SYTL2: variants seen among roughly 807,000 people sequenced by gnomAD.
SYTL2 encodes synaptotagmin-like protein 2.
SYTL2 carries 165 observed loss-of-function variants against 198.7 expected under a neutral mutation model. The ratio of observed to expected loss-of-function variants is 0.83; its 90% CI spans 0.73 to 0.94. SYTL2 has a LOEUF of 0.94. SYTL2 is among the 40% of genes least tolerant of loss of function. The probability of loss-of-function intolerance (pLI) is 0.00; values close to 1 mark genes in which losing one functional copy is unlikely to be tolerated. For synonymous variants in SYTL2, 966 were observed against 917.7 expected (o/e 1.05, Z -0.95); for missense variants, 2,835 against 2,582.8 (o/e 1.10, Z -2.12).
chr11:85,718,596 C>T (rs1359142084), intron 10 of SYTL2, 194 bp downstream of exon 10: 1 of 592,244 alleles, frequency 1.7e-6, no homozygotes, highest in Middle Eastern at 2.7e-4. Flanking sequence ...ACAGTATCAC[C>T]AGAAGAAGCC....
chr11:85,818,343 T>C, the SYTL2 span, among the ~76,000 whole-genome samples: 1 of 152,228 alleles, frequency 6.6e-6, no homozygotes, highest in Non-Finnish European at 1.5e-5. Context: ...AAATACTTAT[T>C]GAATGACCAT....
At chr11:85,774,046 T>G (rs1478692725) in intron 1 of SYTL2, among the ~76,000 whole-genome samples, 1 of 151,996 alleles carries the variant, frequency 6.6e-6, no homozygotes, top group Non-Finnish European at 1.5e-5. Context: ...GCCCTGGAAA[T>G]TCAGATGAAA....
At chr11:85,848,033 C>T in the SYTL2 span, among the ~76,000 whole-genome samples, 1 of 151,894 alleles carries the variant, frequency 6.6e-6, no homozygotes, top group African/African-American at 2.4e-5. Context: ...TTGAGACCAG[C>T]CTAGGCAACA....
rs145055228 is a variant in SYTL2, at chr11:85,809,616, A to G, written c.-390+1338T>C. On this transcript the variant is annotated intron_variant, in intron 1 of 19. Transcript: ENST00000359152. ...TACTTCCTAGCTAAGTGACTAAAGG[A>G]AGCAATCTTTCTGAGCCTGTTTCTC... Among the ~76,000 whole-genome samples the G allele has an allele frequency of 4.6e-5, 7 of 152,326 alleles. No homozygotes were observed. The South Asian group carries it at 6.2e-4, about 14-fold the overall frequency.
chr11:85,768,587 A>C (rs753390735), intron 1 of SYTL2, among the ~76,000 whole-genome samples: 1 of 152,182 alleles, frequency 6.6e-6, no homozygotes, highest in Non-Finnish European at 1.5e-5. Context: ...TTTCCATGCC[A>C]TTATAAGGTT....
chr11:85,758,468 C>G (rs1051023629), intron 1 of SYTL2, among the ~76,000 whole-genome samples: 2 of 152,112 alleles, frequency 1.3e-5, no homozygotes, highest in African/African-American at 2.4e-5. Context: ...AGTGGTCAAG[C>G]AAGAATCTAG....
At chr11:85,845,870 C>G in the SYTL2 span, among the ~76,000 whole-genome samples, 196 of 152,088 alleles carry the variant, frequency 1.3e-3, 2 homozygotes, top group African/African-American at 4.6e-3. Flanking sequence ...GAGCCAAGAT[C>G]GTGCCACTGC....
chr11:85,846,836 C>T, the SYTL2 span, among the ~76,000 whole-genome samples: 3 of 149,404 alleles, frequency 2.0e-5, no homozygotes, highest in Non-Finnish European at 3.0e-5. Context: ...CGGGTTCAAG[C>T]GATTCTCCTA....
chr11:85,707,976 C>CCACACA (rs374898366), intron 14 of SYTL2: 32 of 96,690 alleles, frequency 3.3e-4, no homozygotes, highest in Admixed American at 1.0e-3. Flanking sequence ...AAAAAAAAAA[C>CCACACA]CACACACACA....
chr11:85,791,191 A>AC (rs2092725790), intron 1 of SYTL2, among the ~76,000 whole-genome samples: 2 of 150,944 alleles, frequency 1.3e-5, no homozygotes, highest in Non-Finnish European at 3.0e-5. Context: ...AAAAAAAAAA[A>AC]AAAACAACCT....
At chr11:85,828,080 G>A in the SYTL2 span, among the ~76,000 whole-genome samples, 2 of 152,078 alleles carry the variant, frequency 1.3e-5, no homozygotes, top group African/African-American at 2.4e-5. Flanking sequence ...ATTCCTACTA[G>A]ATTGTCTTCT....
chr11:85,798,222 CA>C (rs1006840849), intron 1 of SYTL2, among the ~76,000 whole-genome samples: 4 of 152,272 alleles, frequency 2.6e-5, no homozygotes, highest in African/African-American at 9.6e-5. Context: ...CATTTTCAAA[CA>C]AACGGATCAT....
the SYTL2 span, among the ~76,000 whole-genome samples, chr11:85,849,590 T>C: frequency 6.6e-6 from 1 of 151,524 alleles, no homozygotes; most frequent in African/African-American, 2.4e-5. Flanking sequence ...AAAGATCAGA[T>C]AGTTGTAGAT....
At chr11:85,700,413 A>G in intron 17 of SYTL2, 102 bp downstream of exon 17, 1 of 869,836 alleles carries the variant, frequency 1.1e-6, no homozygotes, top group South Asian at 1.5e-5. Context: ...TACTAACTTG[A>G]TAAGTTTCTT....
chr11:85,826,515 C>A, the SYTL2 span, among the ~76,000 whole-genome samples: 1 of 152,154 alleles, frequency 6.6e-6, no homozygotes, highest in Non-Finnish European at 1.5e-5. Flanking sequence ...GTCCAGAGGT[C>A]AAGGAGGCAA....
intron 4 of SYTL2, among the ~76,000 whole-genome samples, chr11:85,739,815 A>C (rs1400767118): frequency 2.6e-5 from 4 of 152,162 alleles, no homozygotes; most frequent in Admixed American, 2.6e-4. Context: ...GTCTGACTCC[A>C]AAGACAATCA....
At chr11:85,800,563 GC>G (rs2092871206) in intron 1 of SYTL2, among the ~76,000 whole-genome samples, 1 of 152,136 alleles carries the variant, frequency 6.6e-6, no homozygotes. Context: ...ACAGGAATGA[GC>G]CACTATGCCT....
chr11:85,772,941 T>C (rs1176219968), intron 1 of SYTL2, among the ~76,000 whole-genome samples: 1 of 152,186 alleles, frequency 6.6e-6, no homozygotes, highest in African/African-American at 2.4e-5. Flanking sequence ...CTGGGGTCAT[T>C]AGCCCAAACC....
At chr11:85,779,591 C>CGA (rs2092522414) in intron 1 of SYTL2, among the ~76,000 whole-genome samples, 1 of 150,438 alleles carries the variant, frequency 6.6e-6, no homozygotes, top group Admixed American at 6.6e-5. Flanking sequence ...TTCAAATGTT[C>CGA]ATTTCAAAAG....
Sources: gnomAD v4.1 joint callset for allele counts (sites outside exome capture counted in the v4.1 genomes callset) on GRCh38, gnomAD v4.1.1 for gene constraint, MANE v1.5 for transcripts, NCBI Gene and HGNC (gene_info 2026-07-23, HGNC 2026-07-21) for gene names.